The following DISP1 variants were observed in gnomAD, a reference collection of about 807,000 sequenced individuals.
DISP1 encodes protein dispatched homolog 1.
Under a neutral mutation model 37.3 loss-of-function variants are expected in DISP1, and 30 were observed. The ratio of observed to expected loss-of-function variants is 0.80; its 90% CI spans 0.60 to 1.09. The LOEUF (loss-of-function observed/expected upper bound fraction) is 1.09, where lower values mean the gene tolerates loss of function less well. DISP1 is among the 50% of genes least tolerant of loss of function. DISP1 has a pLI of 0.00. For missense variants in DISP1, 1,598 were observed against 1,879.5 expected, an observed-to-expected ratio of 0.85 and a Z score of 2.77; for synonymous variants, 634 against 690.2, an observed-to-expected ratio of 0.92 and a Z score of 1.28.
intron 4 of DISP1, among the ~76,000 whole-genome samples, chr1:222,986,805 C>G (rs17163651): frequency 0.049 from 7,411 of 152,166 alleles, 215 homozygotes; most frequent in Non-Finnish European, 0.062. Context: ...AGTAGGGCCT[C>G]CGGGAAAAGG....
chr1:222,914,675 T>C (rs1672393745), intron 1 of DISP1, among the ~76,000 whole-genome samples: 1 of 152,096 alleles, frequency 6.6e-6, no homozygotes, highest in Non-Finnish European at 1.5e-5. Context: ...GTTAAGATCA[T>C]AGGCCAGGTG....
At chr1:222,981,561 C>G (rs979755731) in intron 3 of DISP1, among the ~76,000 whole-genome samples, 1 of 152,026 alleles carries the variant, frequency 6.6e-6, no homozygotes, top group Non-Finnish European at 1.5e-5. Flanking sequence ...AGTTGGGAAC[C>G]CTGTTTGTCT....
At chr1:222,919,808 G>A (rs765984447) in intron 1 of DISP1, among the ~76,000 whole-genome samples, 4 of 152,260 alleles carry the variant, frequency 2.6e-5, no homozygotes, top group Middle Eastern at 3.4e-3. Flanking sequence ...TAGAGCTTGG[G>A]TAGCTTAAGG....
intron 3 of DISP1, among the ~76,000 whole-genome samples, chr1:222,976,726 A>G (rs191677429): frequency 2.0e-5 from 3 of 152,260 alleles, no homozygotes; most frequent in African/African-American, 7.2e-5. Flanking sequence ...AGAAAAAGTT[A>G]GTGGCAGAGA....
At chr1:222,925,592 T>C (rs1374986920) in intron 1 of DISP1, among the ~76,000 whole-genome samples, 1 of 152,182 alleles carries the variant, frequency 6.6e-6, no homozygotes, top group African/African-American at 2.4e-5. Context: ...CTCTTCCTTT[T>C]CCCTGTCCTT....
chr1:222,938,758 A>AGG (rs1558342162), intron 2 of DISP1, among the ~76,000 whole-genome samples: 1 of 142,042 alleles, frequency 7.0e-6, no homozygotes, highest in African/African-American at 2.6e-5. Context: ...AAAAAAAAAA[A>AGG]AAAAGGAAGG....
intron 3 of DISP1, among the ~76,000 whole-genome samples, chr1:222,979,198 A>T (rs1677638734): frequency 6.6e-6 from 1 of 152,164 alleles, no homozygotes; most frequent in Non-Finnish European, 1.5e-5. Context: ...ACTTGAGCCC[A>T]GGAGTTTAAG....
chr1:222,827,158 G>C (rs371476932), intron 1 of DISP1: 3 of 152,114 alleles, frequency 2.0e-5, no homozygotes, highest in African/African-American at 7.2e-5. Flanking sequence ...CTTCTGTACC[G>C]GTAGAGACAA....
intron 1 of DISP1, among the ~76,000 whole-genome samples, chr1:222,902,317 C>T (rs947938431): frequency 6.6e-6 from 1 of 152,170 alleles, no homozygotes; most frequent in Non-Finnish European, 1.5e-5. Flanking sequence ...TCCCTCTACA[C>T]ACTGCTTTGA....
intron 3 of DISP1, among the ~76,000 whole-genome samples, chr1:222,963,460 G>T (rs1676213744): frequency 6.6e-6 from 1 of 152,158 alleles, no homozygotes; most frequent in South Asian, 2.1e-4. Context: ...AAAGACACAT[G>T]CTCAAGTATG....
At chr1:222,957,145 T>TG (rs752450620) in intron 3 of DISP1, among the ~76,000 whole-genome samples, 66 of 103,256 alleles carry the variant, frequency 6.4e-4, no homozygotes, top group African/African-American at 2.4e-3. Context: ...TTTACTATTG[T>TG]AAAAAAAAAA....
At chr1:222,970,728 G>A (rs1676876052) in intron 3 of DISP1, among the ~76,000 whole-genome samples, 1 of 152,118 alleles carries the variant, frequency 6.6e-6, no homozygotes, top group African/African-American at 2.4e-5. Context: ...TTTGAAACTG[G>A]TCCTCTGATT....
At chr1:222,831,114 A>G (rs1665627798) in intron 1 of DISP1, 1 of 152,198 alleles carries the variant, frequency 6.6e-6, no homozygotes, top group Non-Finnish European at 1.5e-5. Flanking sequence ...GGATATGTAT[A>G]TGGATTAATT....
At chr1:222,855,715 T>C (rs1385354128) in intron 1 of DISP1, among the ~76,000 whole-genome samples, 1 of 152,184 alleles carries the variant, frequency 6.6e-6, no homozygotes, top group Non-Finnish European at 1.5e-5. Flanking sequence ...GTGGTTCCCT[T>C]CTCTTTATTT....
chr1:222,951,598 C>T (rs1241475009), intron 3 of DISP1, among the ~76,000 whole-genome samples: 1 of 152,212 alleles, frequency 6.6e-6, no homozygotes, highest in Non-Finnish European at 1.5e-5. Context: ...CCCACAGTCT[C>T]TGCTTTACTC....
intron 1 of DISP1, among the ~76,000 whole-genome samples, chr1:222,923,214 A>G (rs1572517801): frequency 6.6e-6 from 1 of 152,284 alleles, no homozygotes; most frequent in East Asian, 1.9e-4. Context: ...AGAGTGAGAC[A>G]GAGTAAAGAG....
chr1:222,881,680 G>A (rs907331874), intron 1 of DISP1, among the ~76,000 whole-genome samples: 5 of 152,220 alleles, frequency 3.3e-5, no homozygotes, highest in African/African-American at 1.2e-4. Context: ...CTGGCATCAG[G>A]TAGAGTTTGA....
At chr1:222,957,664 G>T (rs1675710033) in intron 3 of DISP1, among the ~76,000 whole-genome samples, 1 of 152,118 alleles carries the variant, frequency 6.6e-6, no homozygotes, top group Admixed American at 6.5e-5. Context: ...GCACCTAGCT[G>T]CCCTTTAACT....
intron 3 of DISP1, among the ~76,000 whole-genome samples, chr1:222,975,763 C>G (rs1346767225): frequency 3.3e-5 from 5 of 152,248 alleles, no homozygotes; most frequent in African/African-American, 7.2e-5. Flanking sequence ...TTCCAGTTCT[C>G]AAGTGTGAAG....
Sources: gnomAD v4.1 joint callset for allele counts (sites outside exome capture counted in the v4.1 genomes callset) on GRCh38, gnomAD v4.1.1 for gene constraint, MANE v1.5 for transcripts, NCBI Gene and HGNC (gene_info 2026-07-23, HGNC 2026-07-21) for gene names.